Variants in GALNT14 observed in about 807,000 individuals in gnomAD.
The protein encoded by GALNT14 is UDP-GalNAc:polypeptide N-acetylgalactosaminyltransferase 14.
In GALNT14, 60 loss-of-function variants were observed where a neutral mutation model predicts 77.5. That is an observed-to-expected ratio of 0.77 (90% CI 0.63 to 0.96). The LOEUF is 0.96. Ranked by LOEUF, GALNT14 falls within the 40% of genes least tolerant of loss-of-function variation. The pLI is 0.00. For missense variants in GALNT14, 710 were observed against 731.0 expected, an observed-to-expected ratio of 0.97 and a Z score of 0.33; for synonymous variants, 280 against 281.7, an observed-to-expected ratio of 0.99 and a Z score of 0.06.
At chr2:30,932,524 G>A (rs1401185855) in intron 9 of GALNT14, among the ~76,000 whole-genome samples, 1 of 152,252 alleles carries the variant, frequency 6.6e-6, no homozygotes, top group African/African-American at 2.4e-5. Context: ...CACTAAGAGA[G>A]TTGCCTTCTA....
At chr2:31,077,077 T>C (rs1675848925) in intron 1 of GALNT14, among the ~76,000 whole-genome samples, 1 of 152,236 alleles carries the variant, frequency 6.6e-6, no homozygotes, top group South Asian at 2.1e-4. Context: ...TTCTGTTTAT[T>C]GGATTCTGCA....
intron 3 of GALNT14, among the ~76,000 whole-genome samples, chr2:30,959,474 G>T (rs934332912): frequency 6.6e-6 from 1 of 152,176 alleles, no homozygotes; most frequent in Non-Finnish European, 1.5e-5. Flanking sequence ...CCCTCCAGAA[G>T]CTTGTGGTAT....
chr2:31,014,830 T>G (rs1671251784), intron 1 of GALNT14, among the ~76,000 whole-genome samples: 1 of 152,120 alleles, frequency 6.6e-6, no homozygotes, highest in Admixed American at 6.5e-5. Flanking sequence ...TACACCAGTC[T>G]TTCCTGCCAT....
At chr2:30,939,623 G>A (rs1222889211) in intron 9 of GALNT14, among the ~76,000 whole-genome samples, 1 of 152,136 alleles carries the variant, frequency 6.6e-6, no homozygotes, top group East Asian at 1.9e-4. Flanking sequence ...GCAGGGGTGT[G>A]AGAGCTCAGA....
In GALNT14 at chr2:31,000,605, GAAGTCCT is replaced by G. The variant is rs1670311046; in HGVS notation, c.130-7605_130-7599del. Among the ~76,000 whole-genome samples, 3 of 152,284 alleles carry G rather than the reference GAAGTCCT, an allele frequency of 2.0e-5. No homozygotes were observed. The South Asian group carries it at 6.2e-4, about 32-fold the overall frequency. ...GGAGACCCAGGGAAGAGCTGCAGTTGAAGTCCTAAGGTGGTCTGCTGGCAGAATTCCT... is the reference window on the plus strand; with the variant it reads ...GGAGACCCAGGGAAGAGCTGCAGTTGAAGGTGGTCTGCTGGCAGAATTCCT... On this transcript the variant is annotated intron_variant, in intron 1 of 14. Transcript: ENST00000349752.
At chr2:30,912,033 G>A (rs1487924533) in intron 14 of GALNT14, among the ~76,000 whole-genome samples, 190 bp downstream of exon 14, 3 of 152,176 alleles carry the variant, frequency 2.0e-5, no homozygotes, top group Non-Finnish European at 4.4e-5. Context: ...ACCAGTGAGG[G>A]TGGATGTTGC....
downstream of GALNT14, among the ~76,000 whole-genome samples, chr2:30,909,104 C>G (rs1045290269): frequency 2.0e-5 from 3 of 151,962 alleles, no homozygotes; most frequent in Admixed American, 6.6e-5. Context: ...ACCATAAAAA[C>G]CCTAGAAGAA....
At chr2:30,960,295 C>A (rs1573040592) in intron 3 of GALNT14, among the ~76,000 whole-genome samples, 1 of 152,148 alleles carries the variant, frequency 6.6e-6, no homozygotes, top group Non-Finnish European at 1.5e-5. Context: ...GGAAAACCTG[C>A]TGGAAGAATA....
At chr2:31,121,141 G>A (rs995273439) in intron 1 of GALNT14, among the ~76,000 whole-genome samples, 1 of 152,170 alleles carries the variant, frequency 6.6e-6, no homozygotes, top group Non-Finnish European at 1.5e-5. Context: ...CTGAACTCGG[G>A]AGCCCAGCAT....
intron 1 of GALNT14, among the ~76,000 whole-genome samples, chr2:31,075,950 G>A (rs778510983): frequency 6.6e-6 from 1 of 152,170 alleles, no homozygotes; most frequent in Non-Finnish European, 1.5e-5. Flanking sequence ...TGGTTGTTTG[G>A]CAGAGAATTC....
At chr2:31,038,276 T>G (rs1672886723) in intron 1 of GALNT14, among the ~76,000 whole-genome samples, 1 of 151,306 alleles carries the variant, frequency 6.6e-6, no homozygotes, top group Non-Finnish European at 1.5e-5. Context: ...GTATTTTTAG[T>G]AGAGACAGGG....
At chr2:31,010,882 A>C (rs775851149) in intron 1 of GALNT14, among the ~76,000 whole-genome samples, 2 of 152,258 alleles carry the variant, frequency 1.3e-5, no homozygotes, top group African/African-American at 2.4e-5. Context: ...AACTGTGGCC[A>C]GCAAGGAAGT....
At chr2:30,968,300 C>T (rs952241097) in intron 2 of GALNT14, among the ~76,000 whole-genome samples, 1 of 152,232 alleles carries the variant, frequency 6.6e-6, no homozygotes, top group Non-Finnish European at 1.5e-5. Context: ...GACAGCCAGC[C>T]GCCGATGGCT....
At chr2:31,059,030 A>C (rs1167482938) in intron 1 of GALNT14, among the ~76,000 whole-genome samples, 1 of 152,210 alleles carries the variant, frequency 6.6e-6, no homozygotes, top group Non-Finnish European at 1.5e-5. Flanking sequence ...TCATCTGCCT[A>C]CCAGCCATTG....
chr2:31,102,340 A>G (rs1378690145), intron 1 of GALNT14, among the ~76,000 whole-genome samples: 4 of 152,026 alleles, frequency 2.6e-5, no homozygotes, highest in Admixed American at 2.0e-4. Flanking sequence ...TTGTTCTGCT[A>G]TTGAGTGATT....
At chr2:30,912,467 A>G (rs1025460380) in intron 13 of GALNT14, 125 bp from the exon 14 acceptor site, 11 of 1,066,470 alleles carry the variant, frequency 1.0e-5, no homozygotes, top group African/African-American at 3.2e-5. Flanking sequence ...CCAGTAGGCA[A>G]TGATCATCAA....
rs1665245631 is a variant in GALNT14 at position 30,924,596 on chromosome 2, G to A, written c.1235+144C>T. On this transcript the variant is annotated intron_variant, in intron 12 of 14. Coordinates refer to ENST00000349752, the MANE Select transcript of GALNT14 (RefSeq NM_024572.4). The stretch of plus-strand genomic sequence containing the variant: ...TAAGGTCCCTCCGGGTTTTAGGGGT[G>A]AACGGAGCCAACTGGTCTTCTTACA... The A allele has an allele frequency of 1.2e-5, 8 of 655,716 alleles. No homozygotes were observed. The South Asian group carries it at 1.3e-4, about 11-fold the overall frequency. The allele number at this position is 655,716 out of a possible 1,614,324, so 40.6% of individuals were successfully genotyped here.
intron 13 of GALNT14, among the ~76,000 whole-genome samples, chr2:30,918,323 T>C (rs1664811278): frequency 6.6e-6 from 1 of 152,238 alleles, no homozygotes; most frequent in South Asian, 2.1e-4. Context: ...CCTGTGAATT[T>C]GAGCGAGTTA....
chr2:30,912,460 G>A (rs762357711), intron 13 of GALNT14, 118 bp from the exon 14 acceptor site: 2 of 1,140,852 alleles, frequency 1.8e-6, no homozygotes, highest in Admixed American at 2.3e-5. Flanking sequence ...AAGGGTCCCA[G>A]TAGGCAATGA....
Sources: allele counts gnomAD v4.1 joint callset (sites outside exome capture counted in the v4.1 genomes callset), GRCh38; gene constraint gnomAD v4.1.1; transcripts MANE v1.5; gene names NCBI Gene and HGNC (gene_info 2026-07-23, HGNC 2026-07-21).